BEND2: variants seen among roughly 807,000 people sequenced by gnomAD.
The protein encoded by BEND2 is BEN domain-containing protein 2.
Under a neutral mutation model 43.8 loss-of-function variants are expected in BEND2, and 19 were observed. The observed-to-expected ratio is 0.43, with a 90% CI of 0.30 to 0.64. The LOEUF is 0.64. Ranked by LOEUF, BEND2 falls within the 30% of genes least tolerant of loss-of-function variation. BEND2 has a pLI of 0.11. For missense variants in BEND2, 544 were observed against 574.0 expected (o/e 0.95, Z 0.53); for synonymous variants, 226 against 210.1 (o/e 1.08, Z -0.66).
chrX:18,203,686 G>A lies in BEND2; in HGVS notation c.722C>T (p.Ala241Val), dbSNP rs1925240765. ...TGAGATGACAGCATTGGTACTTTCA[G>A]CACCTCCACTGATAAAGTTCCATGG... The part of the protein sequence containing the change: ...GMPWNFISGG[A>V]ESTNAVISFA... The change falls in exon 5 of 14, where the codon GCT becomes GTT. Residue 241 changes from alanine (A) to valine (V), a missense_variant. Coordinates refer to ENST00000380033, the MANE Select transcript of BEND2 (RefSeq NM_153346.5). The A allele has an allele frequency of 8.3e-7, 1 of 1,211,265 alleles. No homozygotes were observed. Among genetic ancestry groups the A allele is most frequent in the Non-Finnish European group, 1.1e-6 (1 of 894,829 alleles).
In BEND2 at chrX:18,190,856, T is replaced by A. The variant is rs540214105; in HGVS notation, c.1288+145A>T. 163 of 448,750 alleles carry A rather than the reference T, an allele frequency of 3.6e-4. 1 individual carries two copies. The South Asian group carries it at 6.7e-3, about 19-fold the overall frequency. The allele number at this position is 448,750 out of a possible 1,213,427, so 37.0% of individuals were successfully genotyped here. ...AGTAGATCTGGTGATTGCATCAATG[T>A]CAAAATCCTAGTTGTGATATTTTAC... On this transcript the variant is annotated intron_variant, in intron 8 of 13. Coordinates refer to ENST00000380033, the MANE Select transcript of BEND2 (RefSeq NM_153346.5).
intron 4 of BEND2, among the ~76,000 whole-genome samples, chrX:18,205,437 GA>G (rs1171984528): frequency 4.7e-4 from 48 of 102,234 alleles, no homozygotes; most frequent in Admixed American, 6.4e-4. Context: ...TCCGTCTCTA[GA>G]AAAAAAAAAT....
intron 6 of BEND2, among the ~76,000 whole-genome samples, chrX:18,199,121 G>A (rs1925057631): frequency 9.5e-6 from 1 of 105,392 alleles, no homozygotes; most frequent in Admixed American, 1.0e-4. Context: ...GTTAATGGGT[G>A]CAGCACACCA....
rs1923779079 is a variant in BEND2 at position 18,164,815 on chromosome X, C to CAGATGAAACATT, written c.*182_*193dup. ...CAATCAGAGGTTGTCATCAAATCCACAGATGAAACATTACGTATCTTCCTA... is the reference window on the plus strand; with the variant it reads ...CAATCAGAGGTTGTCATCAAATCCACAGATGAAACATTAGATGAAACATTACGTATCTTCCTA... On this transcript the variant is annotated 3_prime_UTR_variant, in exon 14 of 14. Coordinates refer to ENST00000380033, the MANE Select transcript of BEND2 (RefSeq NM_153346.5). The CAGATGAAACATT allele has an allele frequency of 4.8e-6, 2 of 417,086 alleles. No homozygotes were observed. Among genetic ancestry groups the CAGATGAAACATT allele is most frequent in the Non-Finnish European group, 8.0e-6 (2 of 251,436 alleles). 34.4% of individuals were successfully genotyped at this position (417,086 alleles called of 1,213,427 possible). A position where few individuals can be genotyped will look rare whatever the true frequency, so the allele number is the denominator to read the frequency against.
intron 13 of BEND2, among the ~76,000 whole-genome samples, chrX:18,166,524 C>T (rs773358204): frequency 4.1e-4 from 46 of 111,245 alleles, no homozygotes; most frequent in Admixed American, 6.8e-4. Context: ...GTTGGTGGAA[C>T]GCATAAATGA....
chrX:18,212,073 T>C (rs1401047291), intron 4 of BEND2, among the ~76,000 whole-genome samples: 1 of 102,045 alleles, frequency 9.8e-6, no homozygotes, highest in Non-Finnish European at 2.0e-5. Context: ...TCTAGGGTGA[T>C]GAAAATGTTT....
chrX:18,173,539 A>C (rs925582986), intron 12 of BEND2, among the ~76,000 whole-genome samples: 1 of 111,774 alleles, frequency 8.9e-6, no homozygotes. Context: ...ATGCATTGGG[A>C]AGCACAAGTG....
In BEND2 at chrX:18,177,765, A is replaced by G. The variant is rs186827196; in HGVS notation, c.1434T>C (p.Tyr478=). Residue 478 remains tyrosine (Y), a synonymous_variant, in exon 10 of 14, where the codon TAT becomes TAC. Transcript: ENST00000380033. ...TGACATTTCTTTTTGGATCACCAAG[A>G]TAGCCTTTAAAAATAAAGAGAAAAA... The part of the protein sequence containing the change: ...SSVCIPPKYG[Y]LGDPKRNVRV... The G allele has an allele frequency of 3.8e-5, 46 of 1,203,068 alleles. No individual in the cohort carries two copies. The African/African-American group carries it at 7.0e-4, about 18-fold the overall frequency.
chrX:18,189,024 C>T (rs1924667453), intron 8 of BEND2, among the ~76,000 whole-genome samples: 1 of 108,690 alleles, frequency 9.2e-6, no homozygotes, highest in South Asian at 4.0e-4. Context: ...CACGGTGAAA[C>T]CCCATCTCTA....
chrX:18,207,043 G>C (rs781368900), intron 4 of BEND2, among the ~76,000 whole-genome samples: 106 of 110,878 alleles, frequency 9.6e-4, no homozygotes, highest in Non-Finnish European at 1.8e-3. Context: ...CCACCCCAGT[G>C]TGCAGGCTTG....
chrX:18,201,408 A>C (rs1306623394), intron 6 of BEND2, among the ~76,000 whole-genome samples: 34 of 97,476 alleles, frequency 3.5e-4, no homozygotes, highest in Non-Finnish European at 6.7e-4. Context: ...AAAAAAAAAA[A>C]AAAAAAAAAC....
At chrX:18,202,734 T>A (rs1797646669) in intron 5 of BEND2, among the ~76,000 whole-genome samples, 3 of 112,081 alleles carry the variant, frequency 2.7e-5, no homozygotes, top group Non-Finnish European at 3.8e-5. Flanking sequence ...TTTGTTTTTT[T>A]AAAAAAACCT....
At chrX:18,211,709 G>A (rs1925507193) in intron 4 of BEND2, among the ~76,000 whole-genome samples, 1 of 110,271 alleles carries the variant, frequency 9.1e-6, no homozygotes, top group African/African-American at 3.3e-5. Context: ...CTTGAACCCG[G>A]GAGGTGGAGG....
chrX:18,177,807 T>A, intron 9 of BEND2, 38 bp from the exon 10 acceptor site: 2 of 1,116,524 alleles, frequency 1.8e-6, no homozygotes, highest in Non-Finnish European at 2.5e-6. Flanking sequence ...TCCTTGGTTT[T>A]GTCATGCAAG....
In BEND2 at chrX:18,203,661, T is replaced by C; in HGVS notation, c.747A>G (p.Ser249=). 1 of 1,211,733 alleles carries C rather than the reference T, an allele frequency of 8.3e-7. No homozygotes were observed. Among genetic ancestry groups the C allele is most frequent in the East Asian group, 3.0e-5 (1 of 33,858 alleles). The change falls in exon 5 of 14, where the codon TCA becomes TCG. Residue 249 remains serine, a synonymous_variant. Transcript: ENST00000380033. The stretch of plus-strand genomic sequence containing the variant: ...GTACTGCTGTAGTAGCATTGGCAAA[T>C]GAGATGACAGCATTGGTACTTTCAG... ...GGAESTNAVI[S]FANATTAVPM...
At chrX:18,216,858 A>G in intron 1 of BEND2, 125 bp from the exon 2 acceptor site, 1 of 531,389 alleles carries the variant, frequency 1.9e-6, no homozygotes, top group Non-Finnish European at 3.0e-6. Flanking sequence ...TTTGTATTAC[A>G]TATTTTTATA....
chrX:18,177,002 G>A (rs1924184522), intron 10 of BEND2, among the ~76,000 whole-genome samples: 1 of 110,365 alleles, frequency 9.1e-6, no homozygotes, highest in African/African-American at 3.3e-5. Context: ...CACTGGACTG[G>A]GATGTATCTG....
rs765884860 is a variant in BEND2, at chrX:18,190,770, A to T, written c.1288+231T>A. Reference sequence around the variant, plus strand: ...CTCTCTCTCTCTCTCTCTCTCTCACACACACACACACACACACACACTCAC... The same window carrying T: ...CTCTCTCTCTCTCTCTCTCTCTCACTCACACACACACACACACACACTCAC... On this transcript the variant is annotated intron_variant, in intron 8 of 13. Transcript: ENST00000380033. Among the ~76,000 whole-genome samples the T allele has an allele frequency of 1.4e-3, 147 of 107,531 alleles. 3 individuals are homozygous for T. The highest frequency in any genetic ancestry group is 5.0e-3 in the African/African-American group (143 of 28,657). 93.4% of individuals were successfully genotyped at this position (107,531 alleles called of 115,157 possible).
intron 6 of BEND2, among the ~76,000 whole-genome samples, chrX:18,199,722 A>G (rs899111911): frequency 1.8e-5 from 2 of 111,245 alleles, no homozygotes; most frequent in African/African-American, 6.5e-5. Flanking sequence ...TTCTATGCCC[A>G]GCAAAACTAT....
Sources: allele counts gnomAD v4.1 joint callset (sites outside exome capture counted in the v4.1 genomes callset), GRCh38; gene constraint gnomAD v4.1.1; transcripts MANE v1.5; gene names NCBI Gene and HGNC (gene_info 2026-07-23, HGNC 2026-07-21).